Variants in CDH23 observed in about 807,000 individuals in gnomAD.
CDH23 encodes the protein cadherin related 23.
CDH23 carries 189 observed loss-of-function variants against 317.1 expected under a neutral mutation model. The observed-to-expected ratio is 0.60, with a 90% CI of 0.53 to 0.67. The LOEUF is 0.67. Among genes scored for constraint, CDH23 ranks in the 30% least tolerant of loss-of-function variants. The probability of loss-of-function intolerance (pLI) is 0.00; values close to 1 mark genes in which losing one functional copy is unlikely to be tolerated. For synonymous variants in CDH23, 1,839 were observed against 1,876.8 expected (o/e 0.98, Z 0.52); for missense variants, 4,401 against 4,592.4 (o/e 0.96, Z 1.20).
intron 6 of CDH23, among the ~76,000 whole-genome samples, chr10:71,554,795 C>A (rs1413622880): frequency 6.6e-6 from 1 of 152,040 alleles, no homozygotes; most frequent in Non-Finnish European, 1.5e-5. Context: ...TATCTCCACC[C>A]CAGCTCTCTA....
intron 19 of CDH23, among the ~76,000 whole-genome samples, chr10:71,688,508 A>C (rs1194546140): frequency 2.7e-5 from 4 of 150,332 alleles, no homozygotes; most frequent in Non-Finnish European, 4.4e-5. Flanking sequence ...TGGTGGAGCC[A>C]GGGGTGGTGG....
intron 3 of CDH23, among the ~76,000 whole-genome samples, chr10:71,506,264 A>G (rs1480096659): frequency 6.6e-6 from 1 of 152,092 alleles, no homozygotes; most frequent in Non-Finnish European, 1.5e-5. Flanking sequence ...GTTCATGGGC[A>G]TGGAGTTTCC....
chr10:71,780,753 A>G (rs1244491674), intron 41 of CDH23, among the ~76,000 whole-genome samples: 1 of 152,164 alleles, frequency 6.6e-6, no homozygotes, highest in Admixed American at 6.5e-5. Flanking sequence ...TGTGATCAGA[A>G]CAGACTGTAG....
intron 9 of CDH23, among the ~76,000 whole-genome samples, chr10:71,607,397 T>C (rs1860595100): frequency 6.6e-6 from 1 of 152,280 alleles, no homozygotes; most frequent in South Asian, 2.1e-4. Context: ...TTAACCTCGC[T>C]GTGCCTCAGT....
At chr10:71,420,430 GAT>G (rs1848711219) in intron 1 of CDH23, among the ~76,000 whole-genome samples, 2 of 146,716 alleles carry the variant, frequency 1.4e-5, no homozygotes, top group African/African-American at 5.1e-5. Context: ...TGGTGATGAT[GAT>G]GATGATGGTC....
At chr10:71,743,613 G>A (rs1839787794) in intron 38 of CDH23, among the ~76,000 whole-genome samples, 1 of 152,122 alleles carries the variant, frequency 6.6e-6, no homozygotes, top group African/African-American at 2.4e-5. Context: ...TACATTTATA[G>A]GACACGTGTC....
At position 71,811,601 on chromosome 10, in the gene CDH23, C is replaced by T; in HGVS notation, c.9278+11C>T. 2 of 1,613,944 alleles carry T rather than the reference C, an allele frequency of 1.2e-6. No individual in the cohort carries two copies. The highest frequency in any genetic ancestry group is 1.7e-6 in the Non-Finnish European group (2 of 1,179,884). On this transcript the variant is annotated intron_variant, in intron 64 of 69. Transcript: ENST00000224721. ...GTACTACAGGACTGTGTGAGTGTCC[C>T]CCACCCCTGCCATCAGGGGGCCGAC...
At chr10:71,655,732 G>T (rs77335243) in intron 14 of CDH23, among the ~76,000 whole-genome samples, 143 of 152,178 alleles carry the variant, frequency 9.4e-4, no homozygotes, top group African/African-American at 3.2e-3. Context: ...GGGTGGTCTG[G>T]GGTATCTAGG....
intron 3 of CDH23, among the ~76,000 whole-genome samples, chr10:71,477,230 G>A (rs2226034): frequency 0.2 from 30,556 of 152,106 alleles, 3,326 homozygotes; most frequent in East Asian, 0.37. Flanking sequence ...GTGCATTGGC[G>A]CGATCTCTGC....
At chr10:71,814,814 T>C (rs1453712590) in intron 69 of CDH23, 138 bp from the exon 70 acceptor site, 1 of 997,772 alleles carries the variant, frequency 1.0e-6, no homozygotes, top group East Asian at 2.6e-5. Context: ...TTGCAGGCAG[T>C]TTGAGAAACA....
chr10:71,669,478 G>A (rs1460391870), intron 14 of CDH23, among the ~76,000 whole-genome samples: 2 of 147,268 alleles, frequency 1.4e-5, no homozygotes, highest in African/African-American at 5.1e-5. Context: ...AGATGGAGTC[G>A]CATTCTGTCA....
intron 41 of CDH23, among the ~76,000 whole-genome samples, chr10:71,783,327 T>G (rs556574227): frequency 1.3e-5 from 2 of 152,172 alleles, no homozygotes; most frequent in Non-Finnish European, 2.9e-5. Flanking sequence ...CCACCCTCCG[T>G]GTTCTCACCC....
At chr10:71,552,899 G>A (rs867296472) in intron 6 of CDH23, among the ~76,000 whole-genome samples, 2 of 152,114 alleles carry the variant, frequency 1.3e-5, no homozygotes, top group Non-Finnish European at 2.9e-5. Flanking sequence ...CAAGGTAGGG[G>A]ACGTCAGGGA....
chr10:71,777,602 C>A, intron 38 of CDH23, 78 bp from the exon 39 acceptor site: 1 of 1,308,420 alleles, frequency 7.6e-7, no homozygotes, highest in South Asian at 1.3e-5. Context: ...GTGAGTTCAG[C>A]CCAGGAGAAC....
chr10:71,527,611 C>T (rs1855113688), intron 6 of CDH23, among the ~76,000 whole-genome samples: 1 of 152,150 alleles, frequency 6.6e-6, no homozygotes, highest in African/African-American at 2.4e-5. Flanking sequence ...GACAGCTTCT[C>T]CCATGCCTGG....
intron 3 of CDH23, among the ~76,000 whole-genome samples, chr10:71,455,190 G>A (rs1401285542): frequency 2.0e-5 from 3 of 151,912 alleles, no homozygotes; most frequent in Admixed American, 6.6e-5. Context: ...TTAGACTTAC[G>A]GAAAAGTTGA....
At chr10:71,411,439 A>G (rs956586008) in intron 1 of CDH23, among the ~76,000 whole-genome samples, 2 of 152,168 alleles carry the variant, frequency 1.3e-5, no homozygotes, top group African/African-American at 2.4e-5. Context: ...TGTCATATAG[A>G]AGTATAACTG....
intron 50 of CDH23, 30 bp from the exon 51 acceptor site, chr10:71,799,081 A>C (rs1299057355): frequency 6.3e-7 from 1 of 1,597,598 alleles, no homozygotes; most frequent in African/African-American, 1.3e-5. Flanking sequence ...AGGAGTGGCC[A>C]AAATGGCAGT....
intron 28 of CDH23, among the ~76,000 whole-genome samples, chr10:71,718,574 C>T (rs1456853614): frequency 2.0e-5 from 3 of 152,320 alleles, no homozygotes; most frequent in Non-Finnish European, 2.9e-5. Context: ...CGCTCATTCC[C>T]GTGGGGAGAA....
Sources: allele counts gnomAD v4.1 joint callset (sites outside exome capture counted in the v4.1 genomes callset), GRCh38; gene constraint gnomAD v4.1.1; transcripts MANE v1.5; gene names NCBI Gene and HGNC (gene_info 2026-07-23, HGNC 2026-07-21).